Variants in FGF14 observed in about 807,000 individuals in gnomAD.
FGF14 encodes the protein fibroblast growth factor homologous factor 4.
Under a neutral mutation model 25.5 loss-of-function variants are expected in FGF14, and 5 were observed. The ratio of observed to expected loss-of-function variants is 0.20; its 90% CI spans 0.10 to 0.41. The LOEUF (loss-of-function observed/expected upper bound fraction) is 0.41, where lower values mean the gene tolerates loss of function less well. FGF14 is among the 10% of genes least tolerant of loss of function. FGF14 has a pLI of 1.00. For synonymous variants in FGF14, 138 were observed against 118.3 expected, an observed-to-expected ratio of 1.17 and a Z score of -1.08; for missense variants, 222 against 320.1, an observed-to-expected ratio of 0.69 and a Z score of 2.34.
chr13:101,948,268 G>A (rs909934661), intron 1 of FGF14, among the ~76,000 whole-genome samples: 1 of 151,990 alleles, frequency 6.6e-6, no homozygotes, highest in Non-Finnish European at 1.5e-5. Flanking sequence ...AAATAGCTCA[G>A]GTTTCCTTGC....
chr13:101,717,914 A>G lies in FGF14; in HGVS notation c.*4917T>C, dbSNP rs1048928896. The G allele has an allele frequency of 3.9e-5, 6 of 152,150 alleles. No individual in the cohort carries two copies. The highest frequency in any genetic ancestry group is 1.3e-4 in the Admixed American group (2 of 15,282). The allele number at this position is 152,150 out of a possible 1,614,324, so 9.4% of individuals were successfully genotyped here. A position where few individuals can be genotyped will look rare whatever the true frequency, so the allele number is the denominator to read the frequency against. ...CTTTTTATTAACAACAACAACTACAACAAAAGTGCTGCTCTTTTTCATAGT... is the reference window on the plus strand; with the variant it reads ...CTTTTTATTAACAACAACAACTACAGCAAAAGTGCTGCTCTTTTTCATAGT... On this transcript the variant is annotated 3_prime_UTR_variant, in exon 5 of 5. Transcript: ENST00000376143.
At chr13:101,903,867 G>C (rs2031888715) in intron 1 of FGF14, among the ~76,000 whole-genome samples, 1 of 152,192 alleles carries the variant, frequency 6.6e-6, no homozygotes, top group Non-Finnish European at 1.5e-5. Flanking sequence ...TTGCTTGTTT[G>C]TATGAGTGTA....
At chr13:102,166,713 G>A (rs1205019894) in intron 1 of FGF14, among the ~76,000 whole-genome samples, 2 of 152,114 alleles carry the variant, frequency 1.3e-5, no homozygotes, top group Admixed American at 1.3e-4. Flanking sequence ...AATGTCGCTG[G>A]TCATGAGTTC....
chr13:101,723,268 A>AAAAC (rs1555370104), intron 4 of FGF14, among the ~76,000 whole-genome samples: 1 of 150,148 alleles, frequency 6.7e-6, no homozygotes, highest in African/African-American at 2.4e-5. Flanking sequence ...CATGATGTAA[A>AAAAC]ACACACACAC....
intron 3 of FGF14, among the ~76,000 whole-genome samples, chr13:101,850,489 TATATATATATATATATATATATATA>T (rs1566311070): frequency 0.085 from 77 of 906 alleles, 14 homozygotes; most frequent in South Asian, 0.42. Flanking sequence ...TATATATATA[TATATATATATATATATATATATATA>T]GAATTATATA....
intron 1 of FGF14, among the ~76,000 whole-genome samples, chr13:102,076,958 A>G (rs2043392480): frequency 6.6e-6 from 1 of 152,206 alleles, no homozygotes; most frequent in Non-Finnish European, 1.5e-5. Flanking sequence ...GGAACAGAAT[A>G]TAGAGCATAG....
chr13:101,918,902 A>G (rs1393544893), upstream of FGF14, among the ~76,000 whole-genome samples: 1 of 152,210 alleles, frequency 6.6e-6, no homozygotes, highest in African/African-American at 2.4e-5. Context: ...CAATTATTAA[A>G]AGGAATATGC....
chr13:102,161,574 A>AAGAAGAAGAAGAAGAAGAAGAAG (rs1555369410), intron 1 of FGF14, among the ~76,000 whole-genome samples: 2 of 5,312 alleles, frequency 3.8e-4, no homozygotes, highest in Non-Finnish European at 6.5e-4. Flanking sequence ...GTGAAGAAAG[A>AAGAAGAAGAAGAAGAAGAAGAAG]AAGAAGAAGA....
At chr13:102,057,062 G>A (rs2607654) in intron 1 of FGF14, among the ~76,000 whole-genome samples, 83,864 of 151,520 alleles carry the variant, frequency 0.55, 26,191 homozygotes, top group African/African-American at 0.85. Flanking sequence ...ATAAAATATG[G>A]TTTATGTGAC....
At chr13:102,136,976 C>T (rs1251750643) in intron 1 of FGF14, among the ~76,000 whole-genome samples, 3 of 152,132 alleles carry the variant, frequency 2.0e-5, no homozygotes, top group African/African-American at 2.4e-5. Context: ...ACAATATTTA[C>T]GAACTTTGTG....
intron 2 of FGF14, among the ~76,000 whole-genome samples, chr13:101,872,295 G>A (rs2045140731): frequency 6.6e-6 from 1 of 150,658 alleles, no homozygotes; most frequent in Non-Finnish European, 1.5e-5. Flanking sequence ...TAATGTTTAT[G>A]TTCAGTATGT....
chr13:102,377,954 G>A (rs2058079325), intron 1 of FGF14, among the ~76,000 whole-genome samples: 2 of 152,292 alleles, frequency 1.3e-5, no homozygotes, highest in Non-Finnish European at 1.5e-5. Context: ...AGGTCCTAAA[G>A]GCTTGCAAAT....
intron 1 of FGF14, among the ~76,000 whole-genome samples, chr13:102,259,182 T>A (rs1419380470): frequency 1.3e-5 from 2 of 152,096 alleles, no homozygotes; most frequent in Admixed American, 1.3e-4. Flanking sequence ...ATACAAAGCA[T>A]GACATGCTAG....
intron 1 of FGF14, among the ~76,000 whole-genome samples, chr13:102,086,497 T>C (rs1460151280): frequency 2.6e-5 from 4 of 152,052 alleles, no homozygotes; most frequent in Non-Finnish European, 5.9e-5. Flanking sequence ...GCCACTGCAC[T>C]CCATCCTGGG....
At chr13:102,371,226 G>A (rs569735067) in intron 1 of FGF14, among the ~76,000 whole-genome samples, 1 of 152,190 alleles carries the variant, frequency 6.6e-6, no homozygotes, top group African/African-American at 2.4e-5. Flanking sequence ...TGTTCTTCAT[G>A]GGCTCCTCTT....
chr13:101,982,627 G>A (rs1297065814), intron 1 of FGF14, among the ~76,000 whole-genome samples: 2 of 152,136 alleles, frequency 1.3e-5, no homozygotes, highest in Admixed American at 6.6e-5. Context: ...TTAAATATTA[G>A]GTAGCTAGGC....
chr13:102,337,669 G>A (rs1296813055), intron 1 of FGF14, among the ~76,000 whole-genome samples: 1 of 152,072 alleles, frequency 6.6e-6, no homozygotes, highest in Non-Finnish European at 1.5e-5. Flanking sequence ...GAAAGGAAGA[G>A]TCCATTGATG....
intron 1 of FGF14, among the ~76,000 whole-genome samples, chr13:102,297,599 A>C (rs1361588633): frequency 1.3e-5 from 2 of 152,114 alleles, no homozygotes; most frequent in African/African-American, 4.8e-5. Flanking sequence ...GTTTATTACA[A>C]ATAAAAAAGG....
chr13:101,901,138 C>T (rs569847314), intron 1 of FGF14, among the ~76,000 whole-genome samples: 2 of 151,790 alleles, frequency 1.3e-5, no homozygotes, highest in African/African-American at 4.8e-5. Flanking sequence ...GTTAGGTTGT[C>T]TCCTGGATTT....
Sources: allele counts gnomAD v4.1 joint callset (sites outside exome capture counted in the v4.1 genomes callset), GRCh38; gene constraint gnomAD v4.1.1; transcripts MANE v1.5; gene names NCBI Gene and HGNC (gene_info 2026-07-23, HGNC 2026-07-21).